Variants in NTM observed in about 807,000 individuals in gnomAD.
NTM encodes the protein IgLON family member 2.
Under a neutral mutation model 42.1 loss-of-function variants are expected in NTM, and 13 were observed. The ratio of observed to expected loss-of-function variants is 0.31; its 90% CI spans 0.20 to 0.49. The LOEUF is 0.49. Among genes scored for constraint, NTM ranks in the 20% least tolerant of loss-of-function variants. The pLI is 0.99. For missense variants in NTM, 373 were observed against 452.8 expected (o/e 0.82, Z 1.60); for synonymous variants, 187 against 179.2 (o/e 1.04, Z -0.35).
chr11:132,111,933 C>T (rs747437507), intron 2 of NTM, among the ~76,000 whole-genome samples: 5 of 152,258 alleles, frequency 3.3e-5, no homozygotes, highest in Admixed American at 2.0e-4. Context: ...CAGTTTGATT[C>T]TCGCATAGGC....
chr11:131,741,148 G>C (rs1340707331), intron 1 of NTM, among the ~76,000 whole-genome samples: 4 of 148,734 alleles, frequency 2.7e-5, no homozygotes, highest in Non-Finnish European at 5.9e-5. Flanking sequence ...CTGGGCAACA[G>C]AGCAAGACCC....
At chr11:131,977,254 G>T (rs964314981) in intron 2 of NTM, among the ~76,000 whole-genome samples, 1 of 152,244 alleles carries the variant, frequency 6.6e-6, no homozygotes, top group African/African-American at 2.4e-5. Context: ...GCGACTACGC[G>T]TAACAGTTTT....
At chr11:131,640,266 T>C (rs996410147) in intron 1 of NTM, among the ~76,000 whole-genome samples, 2 of 152,170 alleles carry the variant, frequency 1.3e-5, no homozygotes, top group African/African-American at 2.4e-5. Context: ...AGGATAAATA[T>C]GTGCAACCTG....
intron 1 of NTM, among the ~76,000 whole-genome samples, chr11:131,835,478 G>A (rs1273671202): frequency 6.6e-6 from 1 of 152,120 alleles, no homozygotes; most frequent in Admixed American, 6.5e-5. Context: ...GATCAAAAAT[G>A]TGTAAAAGGA....
intron 1 of NTM, among the ~76,000 whole-genome samples, chr11:131,565,671 T>C (rs1032998842): frequency 5.9e-5 from 9 of 152,210 alleles, no homozygotes; most frequent in African/African-American, 2.2e-4. Flanking sequence ...AGCAAAAATT[T>C]ATCATACATT....
chr11:131,598,747 C>T (rs74612932), intron 1 of NTM, among the ~76,000 whole-genome samples: 2,020 of 73,246 alleles, frequency 0.028, 132 homozygotes, highest in African/African-American at 0.032. Flanking sequence ...TTCTTTCTTT[C>T]TTTCTTTCTT....
intron 2 of NTM, among the ~76,000 whole-genome samples, chr11:131,931,049 C>T (rs1278586608): frequency 6.6e-6 from 1 of 152,048 alleles, no homozygotes. Context: ...AACGTTTCTG[C>T]GTAGTGGAAT....
chr11:131,991,130 G>A lies in NTM; in HGVS notation c.167+79482G>A, dbSNP rs1157234823. On this transcript the variant is annotated intron_variant, in intron 2 of 8. Transcript: ENST00000683400. ...GCAATGCCATTCTAACTACTGAGGA[G>A]CTTTTATTGAAGAGATGAGTTATCT... 2.0e-5 allele frequency among the ~76,000 whole-genome samples: 3 copies of A among 152,288 alleles called. No homozygotes were observed. In the East Asian group the frequency reaches 5.8e-4, roughly 29 times the overall value.
chr11:132,327,907 A>T (rs980016736), intron 7 of NTM, among the ~76,000 whole-genome samples: 4 of 149,388 alleles, frequency 2.7e-5, no homozygotes, highest in Admixed American at 6.7e-5. Context: ...TGTTGTTAAT[A>T]TACCATTAAC....
chr11:131,581,280 G>T (rs1002291177), intron 1 of NTM, among the ~76,000 whole-genome samples: 2 of 152,150 alleles, frequency 1.3e-5, no homozygotes, highest in Non-Finnish European at 2.9e-5. Flanking sequence ...CAAATGTGTA[G>T]ATACTGTTCT....
At chr11:131,758,471 G>T (rs2083634595) in intron 1 of NTM, among the ~76,000 whole-genome samples, 1 of 152,140 alleles carries the variant, frequency 6.6e-6, no homozygotes, top group South Asian at 2.1e-4. Flanking sequence ...TGTTTCTTCA[G>T]CAGGAAATAA....
chr11:132,229,192 G>T (rs1409739755), intron 4 of NTM, among the ~76,000 whole-genome samples: 1 of 152,154 alleles, frequency 6.6e-6, no homozygotes, highest in Non-Finnish European at 1.5e-5. Flanking sequence ...TCTTCTAAGT[G>T]TTTTCCATTT....
chr11:131,708,513 T>C (rs187386002), intron 1 of NTM, among the ~76,000 whole-genome samples: 1 of 152,242 alleles, frequency 6.6e-6, no homozygotes, highest in Non-Finnish European at 1.5e-5. Context: ...TGTGTTCCCA[T>C]TAATAGGATT....
intron 7 of NTM, 148 bp downstream of exon 7, chr11:132,314,851 AAGAAATGGAG>A (rs2095383214): frequency 2.2e-6 from 3 of 1,392,906 alleles, no homozygotes; most frequent in African/African-American, 1.4e-5. Flanking sequence ...GAGACACAGA[AAGAAATGGAG>A]AGAGAGGGAC....
intron 2 of NTM, among the ~76,000 whole-genome samples, chr11:132,043,521 C>T (rs149106826): frequency 1.6e-4 from 24 of 151,696 alleles, no homozygotes; most frequent in African/African-American, 5.3e-4. Context: ...CCTGGGTGCA[C>T]GTTGGCCCCA....
At chr11:131,626,291 G>A (rs1486083250) in intron 1 of NTM, among the ~76,000 whole-genome samples, 1 of 152,168 alleles carries the variant, frequency 6.6e-6, no homozygotes, top group East Asian at 1.9e-4. Flanking sequence ...AGTAACTGCT[G>A]TAGTGTTAAT....
chr11:131,419,510 G>A (rs1041933538), intron 1 of NTM, among the ~76,000 whole-genome samples: 3 of 152,110 alleles, frequency 2.0e-5, no homozygotes, highest in Admixed American at 2.0e-4. Context: ...AGACAGAAGA[G>A]CATTTCAGGC....
At chr11:131,862,142 A>T (rs2046701210) in intron 1 of NTM, among the ~76,000 whole-genome samples, 1 of 152,110 alleles carries the variant, frequency 6.6e-6, no homozygotes, top group Admixed American at 6.6e-5. Flanking sequence ...TGATCTGGGG[A>T]TTCTCAGACT....
chr11:131,678,965 T>G (rs1003230248), intron 1 of NTM, among the ~76,000 whole-genome samples: 2 of 152,230 alleles, frequency 1.3e-5, no homozygotes, highest in African/African-American at 4.8e-5. Flanking sequence ...CATTTTATCA[T>G]AGTTATTGCA....
Sources: allele counts gnomAD v4.1 joint callset (sites outside exome capture counted in the v4.1 genomes callset), GRCh38; gene constraint gnomAD v4.1.1; transcripts MANE v1.5; gene names NCBI Gene and HGNC (gene_info 2026-07-23, HGNC 2026-07-21).